EDEM3: variants seen among roughly 807,000 people sequenced by gnomAD.
EDEM3 encodes the protein ER degradation enhancing alpha-mannosidase like protein 3.
A neutral mutation model predicts 110.2 loss-of-function variants in EDEM3; 60 were observed. That is an observed-to-expected ratio of 0.54 (90% CI 0.44 to 0.67). EDEM3 has a LOEUF of 0.67. Ranked by LOEUF, EDEM3 falls within the 30% of genes least tolerant of loss-of-function variation. The pLI is 0.00. For synonymous variants in EDEM3, 352 were observed against 382.9 expected (o/e 0.92, Z 0.94); for missense variants, 996 against 1,121.0 (o/e 0.89, Z 1.59).
intron 6 of EDEM3, among the ~76,000 whole-genome samples, chr1:184,730,303 C>T (rs895837323): frequency 5.9e-5 from 9 of 152,140 alleles, no homozygotes; most frequent in African/African-American, 1.9e-4. Context: ...CCACAGAGGC[C>T]GGGCATGATG....
chr1:184,706,926 G>T, intron 17 of EDEM3, 118 bp from the exon 18 acceptor site: 2 of 1,028,060 alleles, frequency 1.9e-6, no homozygotes, highest in Non-Finnish European at 2.8e-6. Flanking sequence ...TAATGATAAC[G>T]TATCTAACAT....
In EDEM3 at chr1:184,719,559, C is replaced by T; in HGVS notation, c.961G>A (p.Ala321Thr). The T allele has an allele frequency of 6.2e-7, 1 of 1,613,622 alleles. No homozygotes were observed. Among genetic ancestry groups the T allele is most frequent in the Non-Finnish European group, 8.5e-7 (1 of 1,179,892 alleles). ...GGCTGGCTAATATACCTCATTATGG[C>T]ATCATAGTGCTAAAAGATCACAACA... is the stretch of plus-strand genomic sequence containing the variant. ...FLERFNTHYD[A>T]IMRYISQPPL... Residue 321 changes from alanine (A) to threonine (T), a missense_variant, in exon 10 of 20, where the codon GCC becomes ACC. Ala to Thr is a moderately conservative substitution (Grantham distance 58). Coordinates refer to ENST00000318130, the MANE Select transcript of EDEM3 (RefSeq NM_025191.4).
chr1:184,724,236 T>A (rs1004302601), intron 7 of EDEM3, among the ~76,000 whole-genome samples: 1 of 152,136 alleles, frequency 6.6e-6, no homozygotes, highest in Non-Finnish European at 1.5e-5. Context: ...AAGTAATTTC[T>A]ACCACTTAAA....
At chr1:184,727,892 A>C (rs1651277412) in intron 6 of EDEM3, among the ~76,000 whole-genome samples, 1 of 152,208 alleles carries the variant, frequency 6.6e-6, no homozygotes, top group African/African-American at 2.4e-5. Flanking sequence ...CTGTATCCCT[A>C]TCTACAGAAC....
At chr1:184,695,379 C>T (rs1649277797) in intron 19 of EDEM3, among the ~76,000 whole-genome samples, 2 of 151,772 alleles carry the variant, frequency 1.3e-5, no homozygotes, top group African/African-American at 4.8e-5. Context: ...CAAATAATCA[C>T]GGAAAATAAA....
At chr1:184,718,487 C>A (rs1650679714) in intron 11 of EDEM3, among the ~76,000 whole-genome samples, 1 of 152,090 alleles carries the variant, frequency 6.6e-6, no homozygotes, top group Admixed American at 6.6e-5. Flanking sequence ...ACTTTAGGAA[C>A]CCTTCTAAGT....
intron 1 of EDEM3, among the ~76,000 whole-genome samples, chr1:184,753,447 G>A (rs1571437106): frequency 7.0e-6 from 1 of 142,094 alleles, no homozygotes; most frequent in South Asian, 2.2e-4. Context: ...CGCTCTTGTT[G>A]CCCAGGCTGG....
At chr1:184,707,408 T>G (rs1329829701) in intron 17 of EDEM3, among the ~76,000 whole-genome samples, 2 of 152,190 alleles carry the variant, frequency 1.3e-5, no homozygotes, top group Non-Finnish European at 2.9e-5. Context: ...CATAAGGGCA[T>G]GGATCTTCAT....
At chr1:184,700,742 G>T (rs1649570148) in intron 19 of EDEM3, among the ~76,000 whole-genome samples, 1 of 151,956 alleles carries the variant, frequency 6.6e-6, no homozygotes, top group African/African-American at 2.4e-5. Flanking sequence ...AATGATAACC[G>T]CTACAGACTG....
chr1:184,691,102 C>T lies in EDEM3; in HGVS notation c.*2961G>A, dbSNP rs889497653. 10 of 152,354 alleles carry T rather than the reference C, an allele frequency of 6.6e-5. No homozygotes were observed. Among genetic ancestry groups the T allele is most frequent in the Admixed American group, 2.0e-4 (3 of 15,254 alleles). The allele number at this position is 152,354 out of a possible 1,614,324, so 9.4% of individuals were successfully genotyped here. A position where few individuals can be genotyped will look rare whatever the true frequency, so the allele number is the denominator to read the frequency against. On this transcript the variant is annotated 3_prime_UTR_variant, in exon 20 of 20. Transcript: ENST00000318130. Reference sequence around the variant, plus strand: ...CTAATACTGTAAAGAAAAAGGGAGACGTATAATGCCAAGAGTTAATTTGTT... The same window carrying T: ...CTAATACTGTAAAGAAAAAGGGAGATGTATAATGCCAAGAGTTAATTTGTT...
chr1:184,722,721 ATTT>A (rs1571384470), intron 8 of EDEM3, among the ~76,000 whole-genome samples: 1 of 151,700 alleles, frequency 6.6e-6, no homozygotes, highest in South Asian at 2.1e-4. Flanking sequence ...TAATTTTATA[ATTT>A]TTATTTATTT....
At chr1:184,703,136 C>A (rs1480909409) in intron 18 of EDEM3, 140 bp from the exon 19 acceptor site, 8 of 694,436 alleles carry the variant, frequency 1.2e-5, no homozygotes, top group Non-Finnish European at 1.1e-5. Context: ...ATTTTTGGAC[C>A]CATTAATTCT....
At chr1:184,702,176 G>T (rs1196452959) in intron 19 of EDEM3, among the ~76,000 whole-genome samples, 1 of 152,086 alleles carries the variant, frequency 6.6e-6, no homozygotes, top group Non-Finnish European at 1.5e-5. Flanking sequence ...CATTTATATT[G>T]TAATTTGGGT....
chr1:184,729,975 T>C (rs1651412638), intron 6 of EDEM3, among the ~76,000 whole-genome samples: 1 of 152,192 alleles, frequency 6.6e-6, no homozygotes, highest in African/African-American at 2.4e-5. Context: ...TAAAAAACTT[T>C]GCTTTTAATT....
chr1:184,722,897 ACAATT>A (rs1195097438), intron 8 of EDEM3, among the ~76,000 whole-genome samples: 1 of 151,916 alleles, frequency 6.6e-6, no homozygotes, highest in Non-Finnish European at 1.5e-5. Flanking sequence ...AGTTCTTTGT[ACAATT>A]CAATATCCTG....
chr1:184,734,601 C>T lies in EDEM3; in HGVS notation c.388G>A (p.Val130Ile), dbSNP rs1651721370. The change falls in exon 5 of 20, where the codon GTT becomes ATT. Residue 130 changes from valine to isoleucine, a missense_variant. By Grantham distance (29) the Val-to-Ile change is conservative (BLOSUM62 3). Coordinates refer to ENST00000318130, the MANE Select transcript of EDEM3 (RefSeq NM_025191.4). The part of the protein sequence containing the change: ...TKEFEDAVRK[V>I]LRDVNLDNDV... ...TTATCTAAATTAACATCTCTTAAAACTTTTCTCACTGCATCTTCAAATTCT... is the reference window on the plus strand; with the variant it reads ...TTATCTAAATTAACATCTCTTAAAATTTTTCTCACTGCATCTTCAAATTCT... 1 of 1,545,432 alleles carries T rather than the reference C, an allele frequency of 6.5e-7. No individual in the cohort carries two copies. The highest frequency in any genetic ancestry group is 8.8e-7 in the Non-Finnish European group (1 of 1,141,830).
chr1:184,736,368 T>C (rs183366166), intron 4 of EDEM3, among the ~76,000 whole-genome samples: 1 of 152,254 alleles, frequency 6.6e-6, no homozygotes, highest in Non-Finnish European at 1.5e-5. Flanking sequence ...TAATCACCAC[T>C]TGGGATATTA....
At chr1:184,753,200 G>C (rs571312219) in intron 1 of EDEM3, among the ~76,000 whole-genome samples, 3 of 151,198 alleles carry the variant, frequency 2.0e-5, no homozygotes, top group Admixed American at 6.6e-5. Context: ...TCTGAGCTCA[G>C]ATTTTTTTTT....
At chr1:184,743,884 T>TA (rs1314968927) in intron 2 of EDEM3, among the ~76,000 whole-genome samples, 1 of 151,520 alleles carries the variant, frequency 6.6e-6, no homozygotes, top group Non-Finnish European at 1.5e-5. Context: ...ACAGCCACAT[T>TA]AAAAAAATAT....
Sources: gnomAD v4.1 joint callset for allele counts (sites outside exome capture counted in the v4.1 genomes callset) on GRCh38, gnomAD v4.1.1 for gene constraint, MANE v1.5 for transcripts, NCBI Gene and HGNC (gene_info 2026-07-23, HGNC 2026-07-21) for gene names.